ARK2C: variants seen among roughly 807,000 people sequenced by gnomAD.
The protein encoded by ARK2C is E3 ubiquitin-protein ligase ARK2C.
chr18:46,377,454 G>T, the ARK2C span, among the ~76,000 whole-genome samples: 5 of 152,194 alleles, frequency 3.3e-5, no homozygotes, highest in Non-Finnish European at 7.3e-5. Context: ...AGCATCCCGA[G>T]AACCCACAGG....
the ARK2C span, chr18:46,455,902 G>A: frequency 1.2e-6 from 1 of 858,368 alleles, no homozygotes; most frequent in South Asian, 1.5e-5. Flanking sequence ...AGAGCAGGCT[G>A]TGGGTGAAAA....
the ARK2C span, among the ~76,000 whole-genome samples, chr18:46,349,489 T>A: frequency 6.6e-6 from 1 of 152,166 alleles, no homozygotes; most frequent in Admixed American, 6.5e-5. Context: ...ATTCAACATA[T>A]AAATTTTGAG....
chr18:46,399,901 G>A, the ARK2C span, among the ~76,000 whole-genome samples: 2 of 152,172 alleles, frequency 1.3e-5, no homozygotes, highest in East Asian at 3.9e-4. Context: ...CACATGGCAG[G>A]TGGCTTTTCC....
chr18:46,375,525 G>A, the ARK2C span, among the ~76,000 whole-genome samples: 1 of 151,042 alleles, frequency 6.6e-6, no homozygotes, highest in Non-Finnish European at 1.5e-5. Flanking sequence ...CTGCACTCCA[G>A]CCTGGGTGAC....
chr18:46,410,669 A>T, the ARK2C span, among the ~76,000 whole-genome samples: 1 of 152,242 alleles, frequency 6.6e-6, no homozygotes, highest in Admixed American at 6.5e-5. Context: ...GGCCTGGCTG[A>T]AGGGGAGCCT....
chr18:46,397,179 G>T, the ARK2C span, among the ~76,000 whole-genome samples: 4 of 152,208 alleles, frequency 2.6e-5, no homozygotes, highest in Admixed American at 1.3e-4. Context: ...GAGGAGGAGG[G>T]TTGGCCTTAG....
the ARK2C span, among the ~76,000 whole-genome samples, chr18:46,446,548 G>A: frequency 6.6e-6 from 1 of 151,742 alleles, no homozygotes; most frequent in Admixed American, 6.6e-5. Flanking sequence ...TGGCATGCCT[G>A]TAGTCCCAGC....
chr18:46,352,238 C>A, the ARK2C span, among the ~76,000 whole-genome samples: 1 of 152,132 alleles, frequency 6.6e-6, no homozygotes, highest in Non-Finnish European at 1.5e-5. Context: ...CTGGTCAAAG[C>A]CCAGAAAATG....
the ARK2C span, among the ~76,000 whole-genome samples, chr18:46,398,881 A>T: frequency 4.6e-5 from 7 of 151,728 alleles, no homozygotes; most frequent in Non-Finnish European, 8.8e-5. Context: ...CACGTCGACA[A>T]CATCTAGTCA....
chr18:46,453,056 T>G, the ARK2C span, among the ~76,000 whole-genome samples: 2 of 152,224 alleles, frequency 1.3e-5, no homozygotes, highest in African/African-American at 2.4e-5. Context: ...GATACCTTGA[T>G]GCTTTTCCCT....
chr18:46,429,462 T>C, the ARK2C span, among the ~76,000 whole-genome samples: 7 of 152,372 alleles, frequency 4.6e-5, no homozygotes, highest in African/African-American at 7.2e-5. Context: ...AGATTAGATT[T>C]CTATTTGTCT....
the ARK2C span, among the ~76,000 whole-genome samples, chr18:46,399,133 G>T: frequency 6.6e-6 from 1 of 152,146 alleles, no homozygotes; most frequent in African/African-American, 2.4e-5. Flanking sequence ...ACTTGCTGCT[G>T]CCCACGAGGT....
At chr18:46,341,168 C>T in the ARK2C span, among the ~76,000 whole-genome samples, 1 of 150,096 alleles carries the variant, frequency 6.7e-6, no homozygotes, top group Non-Finnish European at 1.5e-5. Flanking sequence ...GGAGAAAAGG[C>T]TTGAAGAGGT....
At chr18:46,439,814 G>A in the ARK2C span, among the ~76,000 whole-genome samples, 11 of 152,162 alleles carry the variant, frequency 7.2e-5, no homozygotes, top group Non-Finnish European at 4.4e-5. Context: ...CTCATGGCCA[G>A]TTTTGTTTTT....
the ARK2C span, among the ~76,000 whole-genome samples, chr18:46,395,257 G>A: frequency 6.6e-6 from 1 of 152,218 alleles, no homozygotes; most frequent in African/African-American, 2.4e-5. Flanking sequence ...CCAGGGGACT[G>A]TGTGACCATC....
chr18:46,378,696 C>T, the ARK2C span, among the ~76,000 whole-genome samples: 1 of 152,298 alleles, frequency 6.6e-6, no homozygotes, highest in East Asian at 1.9e-4. Context: ...CATAAATACA[C>T]ATTCTACTTA....
chr18:46,334,671 CGTGTGT>C, the ARK2C span: 1,948 of 304,110 alleles, frequency 6.4e-3, 7 homozygotes, highest in African/African-American at 0.016. This position sits in a 1 kb window ranked among gnomAD's most constrained non-coding sequence, Gnocchi z 4.4. Context: ...GATACATGAC[CGTGTGT>C]GTGTGTGTGT....
chr18:46,366,447 T>C, the ARK2C span, among the ~76,000 whole-genome samples: 15 of 152,290 alleles, frequency 9.8e-5, 1 homozygote, highest in South Asian at 2.1e-4. Flanking sequence ...TGCAGAGGAC[T>C]TCTCATTCTC....
the ARK2C span, among the ~76,000 whole-genome samples, chr18:46,421,887 G>A: frequency 6.6e-6 from 1 of 152,132 alleles, no homozygotes; most frequent in Non-Finnish European, 1.5e-5. Flanking sequence ...CTGGCCCTGG[G>A]GAAGCATCAC....
Sources: gnomAD v4.1 joint callset for allele counts (sites outside exome capture counted in the v4.1 genomes callset) on GRCh38, gnomAD v4.1.1 for gene constraint, Gnocchi (gnomAD v3.1) non-coding constraint, MANE v1.5 for transcripts, NCBI Gene and HGNC (gene_info 2026-07-23, HGNC 2026-07-21) for gene names.